The following SOX5 variants were observed in gnomAD, a reference collection of about 807,000 sequenced individuals.
SOX5 encodes the protein SRY-box transcription factor 5, also known as transcription factor SOX-5.
In SOX5, 9 loss-of-function variants were observed where a neutral mutation model predicts 92.0. That is an observed-to-expected ratio of 0.10 (90% CI 0.06 to 0.17). The LOEUF is 0.17. Ranked by LOEUF, SOX5 falls within the 10% of genes least tolerant of loss-of-function variation. The pLI is 1.00. For synonymous variants in SOX5, 344 were observed against 336.3 expected, an observed-to-expected ratio of 1.02 and a Z score of -0.25; for missense variants, 642 against 944.5, an observed-to-expected ratio of 0.68 and a Z score of 4.20.
chr12:23,549,650 G>A (rs947120343), intron 11 of SOX5, among the ~76,000 whole-genome samples: 1 of 151,910 alleles, frequency 6.6e-6, no homozygotes, highest in African/African-American at 2.4e-5. Flanking sequence ...CAACAAAGTA[G>A]TCAACATGTA....
At position 24,556,282 on chromosome 12, in the gene SOX5, T is replaced by C. The variant is rs555382211; in HGVS notation, c.-251+6047A>G. Among the ~76,000 whole-genome samples the C allele has an allele frequency of 1.2e-4, 19 of 152,382 alleles. No homozygotes were observed. In the South Asian group the frequency reaches 3.3e-3, roughly 27 times the overall value. ...TTTATTTTCTGTTTTAAGAAGACTT[T>C]CCTTTATCTTTGCTTAGTTGTACTG... On this transcript the variant is annotated intron_variant, in intron 1 of 4. Transcript: ENST00000446891.
At chr12:23,632,744 C>T (rs1450084345) in intron 8 of SOX5, among the ~76,000 whole-genome samples, 1 of 152,002 alleles carries the variant, frequency 6.6e-6, no homozygotes, top group Non-Finnish European at 1.5e-5. Context: ...CCTATGATTG[C>T]TATGAAAAAA....
rs754876918 is a variant in SOX5 at position 24,212,482 on chromosome 12, G to T, written c.-2+861C>A. 11 of 534,136 alleles carry T rather than the reference G, an allele frequency of 2.1e-5. No individual in the cohort carries two copies. The Admixed American group carries it at 2.1e-4, about 10-fold the overall frequency. The allele number at this position is 534,136 out of a possible 1,614,324, so 33.1% of individuals were successfully genotyped here. On this transcript the variant is annotated intron_variant, in intron 4 of 4. Coordinates refer to the SOX5 transcript ENST00000446891. The stretch of plus-strand genomic sequence containing the variant: ...TAAGACACACTCCAGGGGAGCTGTG[G>T]AAGCAGTAACACGGGAGGGGTTACA...
rs574392361 is a variant in SOX5, at chr12:24,325,002, G to C, written c.-174+43561C>G. Among the ~76,000 whole-genome samples, 315 of 152,078 alleles carry C rather than the reference G, an allele frequency of 2.1e-3. 3 individuals carry two copies. Among genetic ancestry groups the C allele is most frequent in the Middle Eastern group, 6.8e-3 (2 of 294 alleles). On this transcript the variant is annotated intron_variant, in intron 2 of 4. Coordinates refer to the SOX5 transcript ENST00000446891. ...AATTAATAAACATATGAGGCACCAA[G>C]AGTGAACCAAACAGTTGAATTTGGA... is the stretch of plus-strand genomic sequence containing the variant.
chr12:24,069,485 G>T (rs1344664123), intron 4 of SOX5, among the ~76,000 whole-genome samples: 2 of 152,138 alleles, frequency 1.3e-5, no homozygotes, highest in Non-Finnish European at 2.9e-5. Flanking sequence ...AAATTATTAT[G>T]AGAAGAACAG....
At chr12:23,886,405 A>T (rs1335161430) in intron 2 of SOX5, among the ~76,000 whole-genome samples, 3 of 152,154 alleles carry the variant, frequency 2.0e-5, no homozygotes, top group Non-Finnish European at 4.4e-5. Context: ...AATCTAACTG[A>T]TGTGGCCAAG....
chr12:23,960,694 A>G (rs1946829015), intron 4 of SOX5, among the ~76,000 whole-genome samples: 1 of 151,368 alleles, frequency 6.6e-6, no homozygotes, highest in South Asian at 2.1e-4. Flanking sequence ...CAATATATAA[A>G]TTGATATATA....
At chr12:24,434,713 C>T (rs537391971) in intron 1 of SOX5, among the ~76,000 whole-genome samples, 3 of 152,270 alleles carry the variant, frequency 2.0e-5, no homozygotes, top group South Asian at 4.1e-4. Context: ...CTCACTCTCT[C>T]CCTTCCTTCT....
chr12:23,834,569 C>G lies in SOX5; in HGVS notation c.481+11414G>C, dbSNP rs1325627151. ...TGTTAAGGTCTCTCCTTTCCTTTAC[C>G]CAAGGCAGCAAGAGGGCAACACTGA... On this transcript the variant is annotated intron_variant, in intron 3 of 14. Transcript: ENST00000451604. Among the ~76,000 whole-genome samples the G allele has an allele frequency of 5.3e-5, 8 of 151,896 alleles. No homozygotes were observed. In the East Asian group the frequency reaches 1.4e-3, roughly 26 times the overall value.
At chr12:23,890,096 G>T (rs2097112882) in intron 2 of SOX5, among the ~76,000 whole-genome samples, 1 of 152,178 alleles carries the variant, frequency 6.6e-6, no homozygotes, top group Non-Finnish European at 1.5e-5. Flanking sequence ...AAGGCGGGCG[G>T]ATTACCTGAG....
At chr12:24,417,203 C>G (rs1965168773) in intron 1 of SOX5, among the ~76,000 whole-genome samples, 1 of 152,204 alleles carries the variant, frequency 6.6e-6, no homozygotes, top group South Asian at 2.1e-4. Context: ...GAGTGAGAGA[C>G]TGATGCCTAG....
chr12:23,974,229 G>A (rs1312283996), intron 4 of SOX5, among the ~76,000 whole-genome samples: 2 of 152,120 alleles, frequency 1.3e-5, no homozygotes, highest in Admixed American at 6.5e-5. Flanking sequence ...ACGGAACAGA[G>A]GGACTACAGT....
At chr12:23,640,030 T>G (rs1483025187) in intron 8 of SOX5, among the ~76,000 whole-genome samples, 2 of 152,188 alleles carry the variant, frequency 1.3e-5, no homozygotes, top group Non-Finnish European at 2.9e-5. Context: ...AGGAGAGTAA[T>G]CCTATTATTA....
At chr12:23,931,321 C>A in intron 1 of SOX5, among the ~76,000 whole-genome samples, 1 of 151,632 alleles carries the variant, frequency 6.6e-6, no homozygotes, top group East Asian at 1.9e-4. Flanking sequence ...ACAAAAAAAC[C>A]ATTTTACATA....
At chr12:23,720,748 G>A (rs900700661) in intron 6 of SOX5, among the ~76,000 whole-genome samples, 1 of 152,126 alleles carries the variant, frequency 6.6e-6, no homozygotes, top group Admixed American at 6.6e-5. Flanking sequence ...TTAAAAACGT[G>A]TCATTTACAA....
At chr12:23,798,640 C>T (rs1410484525) in intron 3 of SOX5, among the ~76,000 whole-genome samples, 2 of 149,192 alleles carry the variant, frequency 1.3e-5, no homozygotes, top group Non-Finnish European at 3.0e-5. Flanking sequence ...ACAACACACA[C>T]ACACACACAT....
chr12:23,740,791 G>T, intron 5 of SOX5, 76 bp downstream of exon 5: 1 of 1,254,118 alleles, frequency 8.0e-7, no homozygotes. Flanking sequence ...ATTGTTGTGT[G>T]CCTAGGACAG....
intron 3 of SOX5, among the ~76,000 whole-genome samples, chr12:24,214,374 A>G (rs1958997265): frequency 6.6e-6 from 1 of 152,122 alleles, no homozygotes; most frequent in Admixed American, 6.5e-5. Context: ...TTCCCAATCT[A>G]CAAAATGGCT....
chr12:24,206,705 C>A (rs1411330539), intron 4 of SOX5, among the ~76,000 whole-genome samples: 1 of 152,172 alleles, frequency 6.6e-6, no homozygotes, highest in African/African-American at 2.4e-5. Flanking sequence ...GGATGGGGAG[C>A]CTCCATCAGC....
Sources: allele counts gnomAD v4.1 joint callset (sites outside exome capture counted in the v4.1 genomes callset), GRCh38; gene constraint gnomAD v4.1.1; transcripts MANE v1.5; gene names NCBI Gene and HGNC (gene_info 2026-07-23, HGNC 2026-07-21).